The following CSNK1A1 variants were observed in gnomAD, a reference collection of about 807,000 sequenced individuals.
The protein encoded by CSNK1A1 is casein kinase I isoform alpha.
In CSNK1A1, 7 loss-of-function variants were observed where a neutral mutation model predicts 46.1. That is an observed-to-expected ratio of 0.15 (90% CI 0.09 to 0.29). The LOEUF is 0.29. CSNK1A1 is among the 10% of genes least tolerant of loss of function. The pLI, the probability that CSNK1A1 is intolerant of heterozygous loss-of-function variation, is 1.00. For synonymous variants in CSNK1A1, 137 were observed against 141.5 expected (o/e 0.97, Z 0.23); for missense variants, 96 against 417.1 (o/e 0.23, Z 6.71).
At chr5:149,549,447 C>T (rs1435055852) in intron 2 of CSNK1A1, 2 of 702,238 alleles carry the variant, frequency 2.8e-6, no homozygotes, top group South Asian at 1.5e-5. Flanking sequence ...TCTCCTTCCT[C>T]GAACCTCCAC....
At chr5:149,506,957 G>T in intron 8 of CSNK1A1, 70 bp downstream of exon 8, 1 of 1,144,398 alleles carries the variant, frequency 8.7e-7, no homozygotes, top group Non-Finnish European at 1.3e-6. Context: ...TTATCAGAAT[G>T]AATTTGTTAG....
chr5:149,495,958 T>C lies in CSNK1A1; in HGVS notation c.*895A>G, dbSNP rs1760643232. The C allele has an allele frequency of 6.6e-6, 1 of 152,600 alleles. No individual in the cohort carries two copies. Among genetic ancestry groups the C allele is most frequent in the South Asian group, 2.1e-4 (1 of 4,836 alleles). 9.5% of individuals were successfully genotyped at this position (152,600 alleles called of 1,614,324 possible). A position where few individuals can be genotyped will look rare whatever the true frequency, so the allele number is the denominator to read the frequency against. ...AATAGTGAGTCAGCAAGGCATTTTT[T>C]GTTGTTTAAAAAAAATCTCATTTCC... On this transcript the variant is annotated 3_prime_UTR_variant, in exon 10 of 10. Transcript: ENST00000377843.
At chr5:149,518,799 G>T (rs200781965) in intron 4 of CSNK1A1, among the ~76,000 whole-genome samples, 3 of 151,928 alleles carry the variant, frequency 2.0e-5, no homozygotes, top group East Asian at 1.9e-4. Context: ...AGGGGGTTGT[G>T]GGGGAGGGGG....
intron 2 of CSNK1A1, among the ~76,000 whole-genome samples, chr5:149,532,542 T>A (rs1414335836): frequency 2.0e-5 from 3 of 151,838 alleles, no homozygotes; most frequent in Non-Finnish European, 2.9e-5. Flanking sequence ...AATATGCAAA[T>A]ATCAGCCGGG....
chr5:149,543,050 A>G (rs1381416540), intron 2 of CSNK1A1, among the ~76,000 whole-genome samples: 2 of 152,048 alleles, frequency 1.3e-5, no homozygotes, highest in African/African-American at 4.8e-5. Context: ...TTCAAAAGGG[A>G]GAATAAGAAC....
intron 9 of CSNK1A1, chr5:149,498,133 C>T: frequency 2.0e-6 from 2 of 985,300 alleles, no homozygotes; most frequent in Non-Finnish European, 2.4e-6. Context: ...TGCCCAGCTT[C>T]TTTTACTTTT....
At chr5:149,529,273 CATT>C (rs1370922695) in intron 2 of CSNK1A1, among the ~76,000 whole-genome samples, 1 of 152,098 alleles carries the variant, frequency 6.6e-6, no homozygotes, top group Non-Finnish European at 1.5e-5. Flanking sequence ...TTTACACAAC[CATT>C]ATTACTTACT....
At chr5:149,535,130 T>C (rs1762024548) in intron 2 of CSNK1A1, among the ~76,000 whole-genome samples, 1 of 152,178 alleles carries the variant, frequency 6.6e-6, no homozygotes, top group Admixed American at 6.5e-5. Flanking sequence ...TCTCATTTCT[T>C]TCCTACTTCT....
intron 7 of CSNK1A1, 51 bp downstream of exon 7, chr5:149,509,828 A>G (rs1761160180): frequency 7.1e-7 from 1 of 1,408,300 alleles, no homozygotes; most frequent in African/African-American, 1.4e-5. Flanking sequence ...GGTGTGAGCC[A>G]TTGTGCCTGG....
intron 4 of CSNK1A1, among the ~76,000 whole-genome samples, chr5:149,513,561 T>C (rs1409306067): frequency 6.6e-6 from 1 of 152,182 alleles, no homozygotes; most frequent in African/African-American, 2.4e-5. Context: ...CACCTGATAG[T>C]CTGTACACCT....
chr5:149,507,862 A>G (rs1761086743), intron 7 of CSNK1A1, among the ~76,000 whole-genome samples: 1 of 152,152 alleles, frequency 6.6e-6, no homozygotes, highest in African/African-American at 2.4e-5. Context: ...GATGTATTCT[A>G]ATTTTTCTCT....
In CSNK1A1 at chr5:149,525,961, TAAAATTTTGTTTAAAA is replaced by T. The variant is rs1478356965; in HGVS notation, c.231-806_231-791del. On this transcript the variant is annotated intron_variant, in intron 2 of 9. Coordinates refer to ENST00000377843, the MANE Select transcript of CSNK1A1 (RefSeq NM_001892.6). This position sits in a 1 kb window ranked among gnomAD's most constrained non-coding sequence, Gnocchi z 4.2. ...TCTGCTAAGAAAATCAGGTGATACT[TAAAATTTTGTTTAAAA>T]AGTTATTTTAAAGCTTAAACTGCAG... is the stretch of plus-strand genomic sequence containing the variant. Among the ~76,000 whole-genome samples, 1 of 152,212 alleles carries T rather than the reference TAAAATTTTGTTTAAAA, an allele frequency of 6.6e-6. No individual in the cohort carries two copies. The highest frequency in any genetic ancestry group is 1.5e-5 in the Non-Finnish European group (1 of 68,042).
chr5:149,509,099 A>AT (rs57678274), intron 7 of CSNK1A1, among the ~76,000 whole-genome samples: 1,701 of 151,860 alleles, frequency 0.011, 33 homozygotes, highest in African/African-American at 0.039. Context: ...TAATTTTTGC[A>AT]TTTTTTGTAG....
chr5:149,535,782 C>T (rs559117177), intron 2 of CSNK1A1, among the ~76,000 whole-genome samples: 4 of 152,204 alleles, frequency 2.6e-5, no homozygotes, highest in African/African-American at 9.6e-5. Flanking sequence ...GCTGGGATTA[C>T]AGGCACATGC....
In CSNK1A1 at chr5:149,529,913, A is replaced by T. The variant is rs191436320; in HGVS notation, c.231-4742T>A. 2.8e-4 allele frequency among the ~76,000 whole-genome samples: 42 copies of T among 152,268 alleles called. No homozygotes were observed. In the East Asian group the frequency reaches 7.5e-3, roughly 27 times the overall value. ...CAAGCTAGGGGTTTGCTTTTTTCTG[A>T]AAAATGTCTTCATGAAAATGGGAGT... On this transcript the variant is annotated intron_variant, in intron 2 of 9. Transcript: ENST00000377843.
intron 9 of CSNK1A1, 79 bp downstream of exon 9, chr5:149,505,368 C>G: frequency 6.5e-7 from 1 of 1,539,092 alleles, no homozygotes. Flanking sequence ...CCTCCTTGAT[C>G]TAACACTGTT....
rs1306853560 is a variant in CSNK1A1 at position 149,499,132 on chromosome 5, C to G, written c.1007-2272G>C. ...AAAAAACCTCAATAGGAATATTCAA[C>G]AGGTATTCAACAGTCTTGCAGTACT... On this transcript the variant is annotated intron_variant, in intron 9 of 9. Transcript: ENST00000377843. 3.0e-6 allele frequency: 3 copies of G among 985,290 alleles called. No individual in the cohort carries two copies. The South Asian group carries it at 1.4e-4, about 46-fold the overall frequency. 61.0% of individuals were successfully genotyped at this position (985,290 alleles called of 1,614,324 possible). A position where few individuals can be genotyped will look rare whatever the true frequency, so the allele number is the denominator to read the frequency against.
At position 149,494,693 on chromosome 5, in the gene CSNK1A1, C is replaced by T. The variant is rs1481208004; in HGVS notation, c.*2160G>A. 1 of 152,192 alleles carries T rather than the reference C, an allele frequency of 6.6e-6. No homozygotes were observed. Among genetic ancestry groups the T allele is most frequent in the Non-Finnish European group, 1.5e-5 (1 of 68,036 alleles). The allele number at this position is 152,192 out of a possible 1,614,324, so 9.4% of individuals were successfully genotyped here. A position where few individuals can be genotyped will look rare whatever the true frequency, so the allele number is the denominator to read the frequency against. ...AGAAAATGAATGGTAGCTAGAAGAT[C>T]AATGGGATTCCAGCTCCAGCTGCAG... is the stretch of plus-strand genomic sequence containing the variant. On this transcript the variant is annotated 3_prime_UTR_variant, in exon 10 of 10. Coordinates refer to ENST00000377843, the MANE Select transcript of CSNK1A1 (RefSeq NM_001892.6).
At chr5:149,516,618 C>T (rs996956264) in intron 4 of CSNK1A1, among the ~76,000 whole-genome samples, 1 of 152,020 alleles carries the variant, frequency 6.6e-6, no homozygotes, top group Admixed American at 6.6e-5. Flanking sequence ...TTAAATGATG[C>T]TACGAAATGT....
Sources: gnomAD v4.1 joint callset for allele counts (sites outside exome capture counted in the v4.1 genomes callset) on GRCh38, gnomAD v4.1.1 for gene constraint, Gnocchi (gnomAD v3.1) non-coding constraint, MANE v1.5 for transcripts, NCBI Gene and HGNC (gene_info 2026-07-23, HGNC 2026-07-21) for gene names.